The following MDGA2 variants were observed in gnomAD, a reference collection of about 807,000 sequenced individuals.
MDGA2 encodes MAM domain-containing glycosylphosphatidylinositol anchor protein 2.
Under a neutral mutation model 117.8 loss-of-function variants are expected in MDGA2, and 40 were observed. The ratio of observed to expected loss-of-function variants is 0.34; its 90% CI spans 0.26 to 0.44. The LOEUF (loss-of-function observed/expected upper bound fraction) is 0.44. Ranked by LOEUF, MDGA2 falls within the 20% of genes least tolerant of loss-of-function variation. MDGA2 has a pLI of 1.00. For synonymous variants in MDGA2, 452 were observed against 439.0 expected (o/e 1.03, Z -0.37); for missense variants, 1,123 against 1,250.6 (o/e 0.90, Z 1.54).
At chr14:47,572,332 A>C (rs1170828841) in intron 1 of MDGA2, among the ~76,000 whole-genome samples, 14 of 152,184 alleles carry the variant, frequency 9.2e-5, no homozygotes, top group Admixed American at 9.2e-4. Flanking sequence ...CTTTATCTAA[A>C]TCATGGGCCA....
At chr14:46,935,237 G>A (rs180894365) in intron 9 of MDGA2, among the ~76,000 whole-genome samples, 2 of 151,940 alleles carry the variant, frequency 1.3e-5, no homozygotes, top group African/African-American at 4.8e-5. Flanking sequence ...AGCACAAATC[G>A]CCCATTTTGT....
chr14:47,258,358 GA>G (rs1887689841), intron 2 of MDGA2, among the ~76,000 whole-genome samples: 1 of 152,070 alleles, frequency 6.6e-6, no homozygotes, highest in Admixed American at 6.6e-5. Flanking sequence ...AGGCGGAGAG[GA>G]AGGAGGCATA....
At chr14:47,205,790 GCTA>G (rs1217535112) in intron 3 of MDGA2, among the ~76,000 whole-genome samples, 2 of 151,946 alleles carry the variant, frequency 1.3e-5, no homozygotes, top group Non-Finnish European at 2.9e-5. Flanking sequence ...TAGCATTTCA[GCTA>G]CTACAACAAT....
chr14:47,438,460 T>C (rs1892940016), intron 1 of MDGA2, among the ~76,000 whole-genome samples: 1 of 152,284 alleles, frequency 6.6e-6, no homozygotes, highest in South Asian at 2.1e-4. Flanking sequence ...ACGTGAGAAA[T>C]GGGAGCTGTT....
chr14:46,965,853 T>C (rs191342138), intron 8 of MDGA2, among the ~76,000 whole-genome samples: 75 of 152,270 alleles, frequency 4.9e-4, no homozygotes, highest in African/African-American at 1.8e-3. Context: ...TTATGAAGTA[T>C]TCAACATGAA....
intron 4 of MDGA2, among the ~76,000 whole-genome samples, chr14:47,132,280 G>A (rs1258023046): frequency 3.3e-5 from 5 of 151,750 alleles, no homozygotes; most frequent in Admixed American, 6.6e-5. Flanking sequence ...CTGAAGAAGC[G>A]CCAACAAATG....
At chr14:47,225,620 C>T (rs947184279) in intron 2 of MDGA2, among the ~76,000 whole-genome samples, 7 of 147,418 alleles carry the variant, frequency 4.7e-5, no homozygotes, top group Non-Finnish European at 1.0e-4. Flanking sequence ...AATGAGAACA[C>T]GTGGACACAG....
intron 2 of MDGA2, among the ~76,000 whole-genome samples, chr14:47,278,175 AAC>A (rs1316687506): frequency 1.3e-5 from 2 of 152,188 alleles, no homozygotes; most frequent in African/African-American, 2.4e-5. Flanking sequence ...TAAACGAATG[AAC>A]ACACAAAAAA....
chr14:46,889,790 A>G (rs1361405242), intron 10 of MDGA2, among the ~76,000 whole-genome samples: 2 of 152,002 alleles, frequency 1.3e-5, no homozygotes, highest in South Asian at 2.1e-4. Flanking sequence ...CTACCCTACT[A>G]TGCTACTTGA....
At chr14:47,348,167 A>G (rs111459651) in intron 1 of MDGA2, among the ~76,000 whole-genome samples, 8 of 143,450 alleles carry the variant, frequency 5.6e-5, no homozygotes, top group East Asian at 2.1e-4. Context: ...CTCTCTGTAT[A>G]TGTGTGTGTG....
At chr14:47,114,125 A>G (rs752131536) in intron 5 of MDGA2, among the ~76,000 whole-genome samples, 2 of 152,180 alleles carry the variant, frequency 1.3e-5, no homozygotes, top group Non-Finnish European at 2.9e-5. Context: ...AGACAAGCAG[A>G]GAGCCAAATG....
At chr14:46,918,020 A>G (rs1883967478) in intron 10 of MDGA2, among the ~76,000 whole-genome samples, 1 of 152,184 alleles carries the variant, frequency 6.6e-6, no homozygotes, top group South Asian at 2.1e-4. Flanking sequence ...TGAGGTGCAT[A>G]AAAGTAAAGG....
chr14:47,302,926 G>T (rs1294871325), intron 1 of MDGA2, among the ~76,000 whole-genome samples: 1 of 152,066 alleles, frequency 6.6e-6, no homozygotes, highest in African/African-American at 2.4e-5. Flanking sequence ...GCTCTTTCTA[G>T]GTACCAAAGC....
chr14:47,108,711 G>A (rs1014876039), intron 5 of MDGA2, among the ~76,000 whole-genome samples: 8 of 152,156 alleles, frequency 5.3e-5, no homozygotes, highest in Non-Finnish European at 1.0e-4. Context: ...GAAATAAACA[G>A]CCATGTTGCT....
At chr14:47,340,291 T>C (rs1331333859) in intron 1 of MDGA2, among the ~76,000 whole-genome samples, 3 of 152,156 alleles carry the variant, frequency 2.0e-5, no homozygotes, top group Admixed American at 1.3e-4. Flanking sequence ...AACCAATTTA[T>C]AAATAGAATT....
intron 5 of MDGA2, among the ~76,000 whole-genome samples, chr14:47,114,298 T>C (rs1005562482): frequency 1.3e-5 from 2 of 152,260 alleles, no homozygotes; most frequent in Non-Finnish European, 1.5e-5. Context: ...GGAAGAACAT[T>C]CCATGTTCAT....
chr14:47,308,139 A>G (rs1003201360), intron 1 of MDGA2, among the ~76,000 whole-genome samples: 4 of 152,194 alleles, frequency 2.6e-5, no homozygotes, highest in African/African-American at 9.6e-5. Context: ...TGACTGAGCA[A>G]TGGCTGCAGA....
At chr14:47,139,855 T>TAC (rs1255538497) in intron 4 of MDGA2, among the ~76,000 whole-genome samples, 1 of 141,372 alleles carries the variant, frequency 7.1e-6, no homozygotes, top group African/African-American at 2.7e-5. Flanking sequence ...CACATATATA[T>TAC]ACACATATAT....
intron 8 of MDGA2, among the ~76,000 whole-genome samples, chr14:46,989,915 GCATT>G (rs1245392259): frequency 6.6e-6 from 1 of 152,012 alleles, no homozygotes; most frequent in Admixed American, 6.6e-5. Flanking sequence ...TAGTATCCCA[GCATT>G]CAATTTATCC....
Sources: allele counts gnomAD v4.1 joint callset (sites outside exome capture counted in the v4.1 genomes callset), GRCh38; gene constraint gnomAD v4.1.1; transcripts MANE v1.5; gene names NCBI Gene and HGNC (gene_info 2026-07-23, HGNC 2026-07-21).